Variants in IPO7 observed in about 807,000 individuals in gnomAD.
IPO7 encodes the protein importin-7.
Under a neutral mutation model 136.4 loss-of-function variants are expected in IPO7, and 13 were observed. The observed-to-expected ratio is 0.10, with a 90% CI of 0.06 to 0.15. The LOEUF is 0.15. Among genes scored for constraint, IPO7 ranks in the 10% least tolerant of loss-of-function variants. The pLI is 1.00. For missense variants in IPO7, 857 were observed against 1,240.6 expected (o/e 0.69, Z 4.65); for synonymous variants, 403 against 404.4 (o/e 1.00, Z 0.04).
At chr11:9,384,888 G>A (rs1854528927) in intron 1 of IPO7, 41 bp downstream of exon 1, 4 of 1,501,204 alleles carry the variant, frequency 2.7e-6, no homozygotes, top group Non-Finnish European at 2.7e-6. Flanking sequence ...GCAGGCGGGT[G>A]GGCAGAAGTG....
chr11:9,389,583 G>A (rs1033612787), intron 1 of IPO7, among the ~76,000 whole-genome samples: 10 of 152,218 alleles, frequency 6.6e-5, no homozygotes, highest in African/African-American at 1.7e-4. Flanking sequence ...TTTGGATGAC[G>A]AAACTATTAG....
intron 1 of IPO7, among the ~76,000 whole-genome samples, chr11:9,399,322 C>G (rs985890981): frequency 2.6e-5 from 4 of 152,022 alleles, no homozygotes; most frequent in African/African-American, 9.7e-5. Flanking sequence ...ACCACCACCC[C>G]GGCTAATTTT....
Position 9,417,063 on chromosome 11 carries a change from C to T in IPO7, c.641C>T (p.Thr214Ile), listed in dbSNP as rs1282450204. ...TAATTCTTGACTTTTATTTAGTATA[C>T]ACTACCACTGGAACTGATAAACCAA... ...FKIFYALVQY[T>I]LPLELINQQN... is the part of the protein sequence containing the mutation. Residue 214 changes from threonine (T) to isoleucine (I), a missense_variant, in exon 6 of 25, where the codon ACA (threonine) becomes ATA (isoleucine). Physicochemically the swap from Thr to Ile is moderately conservative, Grantham distance 89. Transcript: ENST00000379719. The T allele has an allele frequency of 2.1e-6, 3 of 1,460,642 alleles. No individual in the cohort carries two copies. Among genetic ancestry groups the T allele is most frequent in the African/African-American group, 2.8e-5 (2 of 71,428 alleles). 90.5% of individuals were successfully genotyped at this position (1,460,642 alleles called of 1,614,324 possible). A position where few individuals can be genotyped will look rare whatever the true frequency, so the allele number is the denominator to read the frequency against.
chr11:9,444,653 G>C (rs968737799), intron 24 of IPO7, among the ~76,000 whole-genome samples: 3 of 151,606 alleles, frequency 2.0e-5, no homozygotes, highest in African/African-American at 7.3e-5. Context: ...GGCCAACATG[G>C]TGAAACCCTG....
intron 5 of IPO7, among the ~76,000 whole-genome samples, chr11:9,415,577 G>A (rs1226298128): frequency 6.6e-6 from 1 of 152,064 alleles, no homozygotes; most frequent in Non-Finnish European, 1.5e-5. Context: ...GATGGCTCAC[G>A]CCTGTAATCC....
rs139105466 is a variant in IPO7, at chr11:9,421,654, T to C, written c.906+956T>C. Among the ~76,000 whole-genome samples, 3 of 134,054 alleles carry C rather than the reference T, an allele frequency of 2.2e-5. No individual in the cohort carries two copies. The East Asian group carries it at 6.9e-4, about 31-fold the overall frequency. The allele number at this position is 134,054 out of a possible 152,430, so 87.9% of individuals were successfully genotyped here. On this transcript the variant is annotated intron_variant, in intron 8 of 24. Coordinates refer to ENST00000379719, the MANE Select transcript of IPO7 (RefSeq NM_006391.3). ...AAAAAAAAAAATTCTTAAGAAAAAC[T>C]TGTTCTAAGGCTGGGCGCAGTTGCT...
In IPO7 at chr11:9,416,225, C is replaced by G. The variant is rs542289012; in HGVS notation, c.637-834C>G. 6.6e-5 allele frequency among the ~76,000 whole-genome samples: 10 copies of G among 152,222 alleles called. No homozygotes were observed. In the South Asian group the frequency reaches 2.1e-3, roughly 32 times the overall value. On this transcript the variant is annotated intron_variant, in intron 5 of 24. Transcript: ENST00000379719. ...TCACCTCCATTAAGACTGTACTTGC[C>G]TAACTCTATTCCTTGGTTGGATTTT... is the stretch of plus-strand genomic sequence containing the variant.
rs564305822 is a variant in IPO7, at chr11:9,404,756, C to T, written c.166+1385C>T. 1.9e-3 allele frequency among the ~76,000 whole-genome samples: 294 copies of T among 151,684 alleles called. 1 individual carries two copies. Among genetic ancestry groups the T allele is most frequent in the African/African-American group, 6.7e-3 (279 of 41,406 alleles). Reference sequence around the variant, plus strand: ...AATTTTTTGTATTTTTTAGTAGAGACGGGGTTTCACCGTATTTGCCAGGAT... The same window carrying T: ...AATTTTTTGTATTTTTTAGTAGAGATGGGGTTTCACCGTATTTGCCAGGAT... On this transcript the variant is annotated intron_variant, in intron 2 of 24. Coordinates refer to ENST00000379719, the MANE Select transcript of IPO7 (RefSeq NM_006391.3).
Position 9,423,093 on chromosome 11 carries a change from G to A in IPO7, c.994G>A (p.Gly332Arg). The A allele has an allele frequency of 6.3e-7, 1 of 1,594,390 alleles. No homozygotes were observed. ...ACAGACATTAAATTATATTAATCAAGGAGTTTCTCATGCTCTCACCTGGAA... is the reference window on the plus strand; with the variant it reads ...ACAGACATTAAATTATATTAATCAAAGAGTTTCTCATGCTCTCACCTGGAA... ...LQQTLNYINQGVSHALTWKNL... is the reference protein window; with the variant it reads ...LQQTLNYINQRVSHALTWKNL... The change falls in exon 9 of 25, where the codon GGA (glycine) becomes AGA (arginine). Residue 332 changes from glycine to arginine, a missense_variant. Around this residue, in one of 11 missense-constraint regions of IPO7, gnomAD observed 127 missense variants for 222.4 expected, o/e 0.57. Transcript: ENST00000379719.
chr11:9,406,703 T>C (rs1198715762), intron 2 of IPO7, among the ~76,000 whole-genome samples: 2 of 152,096 alleles, frequency 1.3e-5, no homozygotes, highest in Non-Finnish European at 2.9e-5. Context: ...AAACCCTGTC[T>C]CTACTAAAAA....
intron 11 of IPO7, 76 bp from the exon 12 acceptor site, chr11:9,425,070 T>A: frequency 7.7e-7 from 1 of 1,293,438 alleles, no homozygotes; most frequent in Non-Finnish European, 1.1e-6. Context: ...ATGTTAGTCA[T>A]GTGAGTCATT....
intron 1 of IPO7, among the ~76,000 whole-genome samples, chr11:9,394,380 C>G (rs1590426356): frequency 2.4e-5 from 1 of 42,472 alleles, no homozygotes; most frequent in East Asian, 6.8e-4. Context: ...TTTTGGGTGG[C>G]AGAGAAAGCA....
At position 9,430,448 on chromosome 11, in the gene IPO7, G is replaced by T. The variant is rs535598658; in HGVS notation, c.1753-427G>T. On this transcript the variant is annotated intron_variant, in intron 15 of 24. Transcript: ENST00000379719. ...ACCTCGGGCTGCAGCATGACTATCT[G>T]CATAGTGCCCTGGAATGCTCAAAAT... 1.3e-4 allele frequency: 20 copies of T among 159,838 alleles called. 1 individual carries two copies. In the South Asian group the frequency reaches 3.6e-3, roughly 28 times the overall value. The allele number at this position is 159,838 out of a possible 1,614,324, so 9.9% of individuals were successfully genotyped here.
At chr11:9,439,045 A>G (rs1425201872) in intron 22 of IPO7, among the ~76,000 whole-genome samples, 1 of 152,142 alleles carries the variant, frequency 6.6e-6, no homozygotes, top group Non-Finnish European at 1.5e-5. Flanking sequence ...AGTCTGAGGT[A>G]TCAGATTCGC....
intron 15 of IPO7, 79 bp from the exon 16 acceptor site, chr11:9,430,796 C>A: frequency 2.5e-6 from 3 of 1,193,630 alleles, no homozygotes; most frequent in Non-Finnish European, 3.6e-6. Flanking sequence ...TGAGAACGTT[C>A]TAAGAATTAA....
At chr11:9,415,067 C>T (rs1855021621) in intron 5 of IPO7, among the ~76,000 whole-genome samples, 1 of 151,928 alleles carries the variant, frequency 6.6e-6, no homozygotes, top group Non-Finnish European at 1.5e-5. Context: ...CCTGTAATCC[C>T]AGCACTTTGG....
chr11:9,397,365 T>TATA (rs1564992067), intron 1 of IPO7, among the ~76,000 whole-genome samples: 2 of 94,758 alleles, frequency 2.1e-5, no homozygotes, highest in Non-Finnish European at 4.1e-5. Context: ...TATATATATA[T>TATA]TAGTCGGGCA....
chr11:9,428,385 TG>T, intron 12 of IPO7, among the ~76,000 whole-genome samples, 154 bp from the exon 13 acceptor site: 1 of 152,354 alleles, frequency 6.6e-6, no homozygotes, highest in Non-Finnish European at 1.5e-5. Context: ...GGTGAAGTTC[TG>T]GAATACGAAA....
intron 20 of IPO7, among the ~76,000 whole-genome samples, chr11:9,437,542 C>A (rs1050083337): frequency 3.3e-5 from 5 of 152,212 alleles, no homozygotes; most frequent in Non-Finnish European, 5.9e-5. Context: ...GCGTGAGCCA[C>A]CACTCCCGGC....
Sources: gnomAD v4.1 joint callset for allele counts (sites outside exome capture counted in the v4.1 genomes callset) on GRCh38, gnomAD v4.1.1 for gene constraint, gnomAD v4.1.1 regional missense constraint, MANE v1.5 for transcripts, NCBI Gene and HGNC (gene_info 2026-07-23, HGNC 2026-07-21) for gene names.